The following SEMA3B variants were observed in gnomAD, a reference collection of about 807,000 sequenced individuals.
SEMA3B encodes the protein semaphorin 3B.
Under a neutral mutation model 77.8 loss-of-function variants are expected in SEMA3B, and 71 were observed. The ratio of observed to expected loss-of-function variants is 0.91; its 90% CI spans 0.75 to 1.11. SEMA3B has a LOEUF of 1.11. SEMA3B is among the 50% of genes most tolerant of loss of function. SEMA3B has a pLI of 0.00. For missense variants in SEMA3B, 968 were observed against 1,056.8 expected (o/e 0.92, Z 1.17); for synonymous variants, 470 against 452.9 (o/e 1.04, Z -0.48).
At position 50,273,668 on chromosome 3, in the gene SEMA3B, G is replaced by A; in HGVS notation, c.922+22G>A. 3 of 1,605,692 alleles carry A rather than the reference G, an allele frequency of 1.9e-6. No homozygotes were observed. The East Asian group carries it at 6.7e-5, about 36-fold the overall frequency. On this transcript the variant is annotated intron_variant, in intron 8 of 16. Coordinates refer to ENST00000616701, the MANE Select transcript of SEMA3B (RefSeq NM_001290060.2). The surrounding 1 kb of genome is among the most constrained non-coding windows in gnomAD (Gnocchi z 6.5). Reference sequence around the variant, plus strand: ...CTCCGTGAGTGCGGGAGTGGGTATGGGGTTGGGGAGGGGGGCAGCGGCGCA... The same window carrying A: ...CTCCGTGAGTGCGGGAGTGGGTATGAGGTTGGGGAGGGGGGCAGCGGCGCA...
In SEMA3B at chr3:50,274,648, C is replaced by A. The variant is rs1701167880; in HGVS notation, c.1357+66C>A. 1.1e-5 allele frequency: 17 copies of A among 1,499,722 alleles called. 1 individual carries two copies. The highest frequency in any genetic ancestry group is 7.2e-6 in the Non-Finnish European group (8 of 1,112,358). 92.9% of individuals were successfully genotyped at this position (1,499,722 alleles called of 1,614,324 possible). On this transcript the variant is annotated intron_variant, in intron 11 of 16. Coordinates refer to ENST00000616701, the MANE Select transcript of SEMA3B (RefSeq NM_001290060.2). The surrounding 1 kb of genome is among the most constrained non-coding windows in gnomAD (Gnocchi z 4.7). ...GCCCTGTGGGCTGCTGATGGAAGCT[C>A]TCCCTGTTCAGTCCCATCTCCACAT...
Position 50,276,195 on chromosome 3 carries a change from C to T in SEMA3B, c.1846-107C>T, listed in dbSNP as rs1701237644. 7.3e-7 allele frequency: 1 copy of T among 1,376,694 alleles called. No homozygotes were observed. Among genetic ancestry groups the T allele is most frequent in the South Asian group, 1.5e-5 (1 of 65,448 alleles). 85.3% of individuals were successfully genotyped at this position (1,376,694 alleles called of 1,614,324 possible). A position where few individuals can be genotyped will look rare whatever the true frequency, so the allele number is the denominator to read the frequency against. On this transcript the variant is annotated intron_variant, in intron 16 of 16. Transcript: ENST00000616701. This position sits in a 1 kb window ranked among gnomAD's most constrained non-coding sequence, Gnocchi z 5.8. ...TGCGCCTGCGGGCACCCCTTTCCCG[C>T]TCCACCTCGGCTCCCAATGACTCTT...
chr3:50,276,630 GA>G lies in SEMA3B; in HGVS notation c.2177del (p.Lys726ArgfsTer160). 6.3e-7 allele frequency: 1 copy of G among 1,594,564 alleles called. No homozygotes were observed. The highest frequency in any genetic ancestry group is 1.3e-5 in the African/African-American group (1 of 74,384). On this transcript the variant is annotated frameshift_variant, in exon 17 of 17. Transcript: ENST00000616701. LOFTEE classifies it high-confidence loss of function. This position sits in a 1 kb window ranked among gnomAD's most constrained non-coding sequence, Gnocchi z 5.8. The stretch of plus-strand genomic sequence containing the variant: ...CAGTCACTGCCCCTGGAGTCGCGGA[GA>G]AAGGGCCGTAACCGGAGGACCCACG... Reference protein sequence around the residue: ...ALQSLPLESRRKGRNRRTHAP... With the variant: ...ALQSLPLESRXKGRNRRTHAP...
At chr3:50,272,433 G>A (rs950985661) in intron 6 of SEMA3B, among the ~76,000 whole-genome samples, 2 of 151,960 alleles carry the variant, frequency 1.3e-5, no homozygotes, top group Non-Finnish European at 2.9e-5. Context: ...AAAATTGGCC[G>A]GGTGCAGTGG....
At chr3:50,269,124 C>A, upstream of SEMA3B, 1 of 742,230 alleles carries the variant, frequency 1.3e-6, no homozygotes, top group Non-Finnish European at 2.3e-6. This position sits in a 1 kb window ranked among gnomAD's most constrained non-coding sequence, Gnocchi z 4.0. Context: ...CCCCCCTAGC[C>A]TCCCGCCCTC....
In SEMA3B at chr3:50,273,019, G is replaced by C; in HGVS notation, c.665-279G>C. On this transcript the variant is annotated intron_variant, in intron 6 of 16. Transcript: ENST00000616701. This position sits in a 1 kb window ranked among gnomAD's most constrained non-coding sequence, Gnocchi z 6.5. ...ACCCCAGCCTAAGGTGCTGGGCGAC[G>C]TGTGGGGCGAGATCGGAGGCTAGCC... is the stretch of plus-strand genomic sequence containing the variant. 2 of 447,732 alleles carry C rather than the reference G, an allele frequency of 4.5e-6. No homozygotes were observed. Among genetic ancestry groups the C allele is most frequent in the South Asian group, 2.5e-5 (1 of 40,652 alleles). 27.7% of individuals were successfully genotyped at this position (447,732 alleles called of 1,614,324 possible). A position where few individuals can be genotyped will look rare whatever the true frequency, so the allele number is the denominator to read the frequency against.
rs781864277 is a variant in SEMA3B at position 50,270,930 on chromosome 3, A to G, written c.371A>G (p.Asn124Ser). The G allele has an allele frequency of 6.2e-7, 1 of 1,611,520 alleles. No individual in the cohort carries two copies. The highest frequency in any genetic ancestry group is 1.1e-5 in the South Asian group (1 of 90,378). The stretch of plus-strand genomic sequence containing the variant: ...TTCGTGAAGTTGCTGCATGCCTACA[A>G]CCGCACCCATTTGCTGGCCTGTGGC... ...MNFVKLLHAYNRTHLLACGTG... is the reference protein window; with the variant it reads ...MNFVKLLHAYSRTHLLACGTG... Residue 124 changes from asparagine to serine, a missense_variant, in exon 4 of 17, where the codon AAC becomes AGC. Transcript: ENST00000616701. The surrounding 1 kb of genome is among the most constrained non-coding windows in gnomAD (Gnocchi z 4.7).
chr3:50,271,188 C>A lies in SEMA3B; in HGVS notation c.544+7C>A, dbSNP rs782651331. The A allele has an allele frequency of 3.2e-6, 5 of 1,563,940 alleles. No individual in the cohort carries two copies. The highest frequency in any genetic ancestry group is 4.3e-6 in the Non-Finnish European group (5 of 1,154,352). ...GCTGCCTCCGTGCTGGTGGGTGAGT[C>A]CAAGGGCTAAGGCCCCAAGAGAACC... On this transcript the variant is annotated splice_region_variant and intron_variant, in intron 5 of 16. Transcript: ENST00000616701.
Position 50,273,981 on chromosome 3 carries a change from C to G in SEMA3B, c.1061C>G (p.Pro354Arg). ...GACGTGCGCCGGGCCTTCTTGGGACCCTTTGCACACAAGGAGGGGCCCATG... is the reference window on the plus strand; with the variant it reads ...GACGTGCGCCGGGCCTTCTTGGGACGCTTTGCACACAAGGAGGGGCCCATG... ...MNDVRRAFLG[P>R]FAHKEGPMHQ... Residue 354 changes from proline (P) to arginine (R), a missense_variant, in exon 10 of 17, where the codon CCC becomes CGC. Transcript: ENST00000616701. This position sits in a 1 kb window ranked among gnomAD's most constrained non-coding sequence, Gnocchi z 6.5. 6.2e-7 allele frequency: 1 copy of G among 1,613,856 alleles called. No individual in the cohort carries two copies. The highest frequency in any genetic ancestry group is 8.5e-7 in the Non-Finnish European group (1 of 1,179,822).
upstream of SEMA3B, among the ~76,000 whole-genome samples, chr3:50,263,586 C>A (rs1700858743): frequency 2.0e-5 from 3 of 150,212 alleles, no homozygotes; most frequent in South Asian, 6.4e-4. Flanking sequence ...CGCCAAACTT[C>A]AGCAAGCTCT....
At position 50,273,870 on chromosome 3, in the gene SEMA3B, G is replaced by A. The variant is rs1701132754; in HGVS notation, c.992+42G>A. 1 of 1,569,674 alleles carries A rather than the reference G, an allele frequency of 6.4e-7. No individual in the cohort carries two copies. Among genetic ancestry groups the A allele is most frequent in the Admixed American group, 1.9e-5 (1 of 53,556 alleles). On this transcript the variant is annotated intron_variant, in intron 9 of 16. Coordinates refer to ENST00000616701, the MANE Select transcript of SEMA3B (RefSeq NM_001290060.2). This position sits in a 1 kb window ranked among gnomAD's most constrained non-coding sequence, Gnocchi z 6.5. ...AGGGAGCGCCCGGGGCGGGCCGCTG[G>A]GCTCCACCCGGCCCCTCACCTCGCC...
Position 50,269,290 on chromosome 3 carries a change from G to A in SEMA3B, c.50G>A (p.Trp17Ter). 6.5e-7 allele frequency: 1 copy of A among 1,538,592 alleles called. No homozygotes were observed. Among genetic ancestry groups the A allele is most frequent in the Non-Finnish European group, 8.7e-7 (1 of 1,146,316 alleles). ...AAVIPGLALL[W>*]AVGLGSAAPS... ...GTGATCCCGGGCCTGGCCCTGCTCT[G>A]GGCAGTGGGGCTGGGGAGTGCCGCC... Residue 17 changes from tryptophan (W) to a stop codon, truncating the protein, a stop_gained, in exon 1 of 17, where the codon TGG becomes TAG. Coordinates refer to ENST00000616701, the MANE Select transcript of SEMA3B (RefSeq NM_001290060.2). LOFTEE classifies it high-confidence loss of function. The surrounding 1 kb of genome is among the most constrained non-coding windows in gnomAD (Gnocchi z 4.0).
chr3:50,271,144 T>G lies in SEMA3B; in HGVS notation c.507T>G (p.Pro169=). The G allele has an allele frequency of 6.3e-7, 1 of 1,584,936 alleles. No homozygotes were observed. Among genetic ancestry groups the G allele is most frequent in the Non-Finnish European group, 8.6e-7 (1 of 1,165,744 alleles). Residue 169 remains proline, a synonymous_variant, in exon 5 of 17, where the codon CCT becomes CCG. Transcript: ENST00000616701. ...TAGAGGATGGCAAGGGGAAGAGTCCTTATGACCCCAGGCATCGGGCTGCCT... is the reference window on the plus strand; with the variant it reads ...TAGAGGATGGCAAGGGGAAGAGTCCGTATGACCCCAGGCATCGGGCTGCCT... ...GRIEDGKGKS[P]YDPRHRAASV...
the SEMA3B span, chr3:50,260,892 A>T: frequency 6.6e-6 from 1 of 152,224 alleles, no homozygotes; most frequent in Non-Finnish European, 1.5e-5. Flanking sequence ...CCGGCCTCCC[A>T]CCCAGGCTCA....
chr3:50,264,118 G>A (rs1559781844), upstream of SEMA3B, among the ~76,000 whole-genome samples: 1 of 152,114 alleles, frequency 6.6e-6, no homozygotes, highest in Non-Finnish European at 1.5e-5. Flanking sequence ...GTTGAGGTGG[G>A]AGGATCACTT....
rs2109237955 is a variant in SEMA3B, at chr3:50,270,837, G to A, written c.331-53G>A. On this transcript the variant is annotated intron_variant, in intron 3 of 16. Coordinates refer to ENST00000616701, the MANE Select transcript of SEMA3B (RefSeq NM_001290060.2). The surrounding 1 kb of genome is among the most constrained non-coding windows in gnomAD (Gnocchi z 4.7). Reference sequence around the variant, plus strand: ...GGTGAGGATGCCACTGGTGAGCTGGGACCTCTTAAGGCTACGTCCCTGGGG... The same window carrying A: ...GGTGAGGATGCCACTGGTGAGCTGGAACCTCTTAAGGCTACGTCCCTGGGG... 6.4e-7 allele frequency: 1 copy of A among 1,553,328 alleles called. No homozygotes were observed. The highest frequency in any genetic ancestry group is 8.7e-7 in the Non-Finnish European group (1 of 1,147,364).
rs1553706238 is a variant in SEMA3B, at chr3:50,275,020, C to T, written c.1458C>T (p.Ala486=). 1 of 1,593,466 alleles carries T rather than the reference C, an allele frequency of 6.3e-7. No individual in the cohort carries two copies. Among genetic ancestry groups the T allele is most frequent in the Non-Finnish European group, 8.6e-7 (1 of 1,166,458 alleles). The change falls in exon 13 of 17, where the codon GCC becomes GCT. Residue 486 remains alanine, a synonymous_variant. Transcript: ENST00000616701. This position sits in a 1 kb window ranked among gnomAD's most constrained non-coding sequence, Gnocchi z 7.5. ...CCCCTCCTCCCTCTCAGGACTCGGCCGCTGTCACCAGCATGCAAATTTCTT... is the reference window on the plus strand; with the variant it reads ...CCCCTCCTCCCTCTCAGGACTCGGCTGCTGTCACCAGCATGCAAATTTCTT... ...LEELHVFEDS[A]AVTSMQISSK... is the part of the protein sequence containing the mutation.
rs782142412 is a variant in SEMA3B at position 50,273,237 on chromosome 3, T to A, written c.665-61T>A. The A allele has an allele frequency of 6.4e-7, 1 of 1,558,258 alleles. No individual in the cohort carries two copies. The highest frequency in any genetic ancestry group is 8.7e-7 in the Non-Finnish European group (1 of 1,150,864). ...CACTACGGGAAGGGGAAGCAGCGCG[T>A]GGGTCTCGCATCAGGAGGCAAGGCC... On this transcript the variant is annotated intron_variant, in intron 6 of 16. Transcript: ENST00000616701. This position sits in a 1 kb window ranked among gnomAD's most constrained non-coding sequence, Gnocchi z 6.5.
At position 50,276,245 on chromosome 3, in the gene SEMA3B, C is replaced by T. The variant is rs587669330; in HGVS notation, c.1846-57C>T. 72 of 1,432,120 alleles carry T rather than the reference C, an allele frequency of 5.0e-5. No individual in the cohort carries two copies. The African/African-American group carries it at 1.0e-3, about 20-fold the overall frequency. 88.7% of individuals were successfully genotyped at this position (1,432,120 alleles called of 1,614,324 possible). ...TTGCTTCTTCCGTCGCGTGCTAGGG[C>T]CCGGAAGCCCTGTTCCCGGCCCGAC... On this transcript the variant is annotated intron_variant, in intron 16 of 16. Transcript: ENST00000616701. This position sits in a 1 kb window ranked among gnomAD's most constrained non-coding sequence, Gnocchi z 5.8.
Sources: gnomAD v4.1 joint callset for allele counts (sites outside exome capture counted in the v4.1 genomes callset) on GRCh38, gnomAD v4.1.1 for gene constraint, Gnocchi (gnomAD v3.1) non-coding constraint, MANE v1.5 for transcripts, NCBI Gene and HGNC (gene_info 2026-07-23, HGNC 2026-07-21) for gene names.